DPH1: variants seen among roughly 807,000 people sequenced by gnomAD.
DPH1 encodes 2-(3-amino-3-carboxypropyl)histidine synthase subunit 1.
Under a neutral mutation model 55.3 loss-of-function variants are expected in DPH1, and 59 were observed. That is an observed-to-expected ratio of 1.07 (90% CI 0.87 to 1.33). DPH1 has a LOEUF of 1.33. DPH1 is among the 40% of genes most tolerant of loss of function. The pLI is 0.00. For synonymous variants in DPH1, 238 were observed against 235.5 expected, an observed-to-expected ratio of 1.01 and a Z score of -0.10; for missense variants, 628 against 584.8, an observed-to-expected ratio of 1.07 and a Z score of -0.76.
Position 2,040,361 on chromosome 17 carries a change from C to T in DPH1, c.893C>T (p.Pro298Leu). 1 of 1,613,964 alleles carries T rather than the reference C, an allele frequency of 6.2e-7. No individual in the cohort carries two copies. The highest frequency in any genetic ancestry group is 2.2e-5 in the East Asian group (1 of 44,888). The change falls in exon 8 of 13, where the codon CCT (proline) becomes CTT (leucine). Residue 298 changes from proline to leucine, a missense_variant. Transcript: ENST00000263083. ...ILGTLGRQGS[P>L]KILEHLESRL... ...GGCACTTTGGGCCGCCAGGGCAGTC[C>T]TAAGATCCTGGAGGTCAGTGGGCTC...
rs748456528 is a variant in DPH1, at chr17:2,041,899, G to C, written c.*18+24G>C. Reference sequence around the variant, plus strand: ...AGGTATCAGCCCCCGCTCTGGGTGCGCCCCGCCTTTTGCCGTTGTCATGGG... The same window carrying C: ...AGGTATCAGCCCCCGCTCTGGGTGCCCCCCGCCTTTTGCCGTTGTCATGGG... On this transcript the variant is annotated intron_variant, in intron 12 of 12. Transcript: ENST00000263083. 5 of 1,549,856 alleles carry C rather than the reference G, an allele frequency of 3.2e-6. No individual in the cohort carries two copies. The African/African-American group carries it at 4.1e-5, about 13-fold the overall frequency.
At chr17:2,032,268 T>A (rs1338073145) in intron 1 of DPH1, among the ~76,000 whole-genome samples, 1 of 151,924 alleles carries the variant, frequency 6.6e-6, no homozygotes, top group African/African-American at 2.4e-5. Flanking sequence ...GACTCTTAGG[T>A]TTTCCGCAGG....
rs2067524171 is a variant in DPH1 at position 2,041,542 on chromosome 17, G to A, written c.1148G>A (p.Gly383Asp). The change falls in exon 11 of 13, where the codon GGC becomes GAC. Residue 383 changes from glycine to aspartate, a missense_variant. By Grantham distance (94) the Gly-to-Asp change is moderately conservative (BLOSUM62 -1). Coordinates refer to ENST00000263083, the MANE Select transcript of DPH1 (RefSeq NM_001383.6). The part of the protein sequence containing the change: ...QQPYPMDFYA[G>D]SSLGPWTVNH... ...CCCTACCCGATGGACTTCTACGCTG[G>A]CAGCTCCTTGGGGCCCTGGACGGTG... 2 of 1,612,822 alleles carry A rather than the reference G, an allele frequency of 1.2e-6. No individual in the cohort carries two copies. Among genetic ancestry groups the A allele is most frequent in the African/African-American group, 2.7e-5 (2 of 74,920 alleles).
At chr17:2,030,565 G>A (rs2067317491) in intron 1 of DPH1, among the ~76,000 whole-genome samples, 1 of 152,192 alleles carries the variant, frequency 6.6e-6, no homozygotes, top group Non-Finnish European at 1.5e-5. Flanking sequence ...TGCGCCCTCA[G>A]GGAATGCTTT....
chr17:2,036,852 G>C lies in DPH1; in HGVS notation c.576G>C (p.Leu192=). 1 of 1,613,568 alleles carries C rather than the reference G, an allele frequency of 6.2e-7. No homozygotes were observed. The highest frequency in any genetic ancestry group is 8.5e-7 in the Non-Finnish European group (1 of 1,179,946). The change falls in exon 6 of 13, where the codon CTG becomes CTC. Residue 192 remains leucine (L), a synonymous_variant. Coordinates refer to ENST00000263083, the MANE Select transcript of DPH1 (RefSeq NM_001383.6). The surrounding 1 kb of genome is among the most constrained non-coding windows in gnomAD (Gnocchi z 4.8). The part of the protein sequence containing the change: ...VSTLQAAAQE[L]KAEYRVSVPQ... Reference sequence around the variant, plus strand: ...TCCTACAGGCAGCCGCCCAGGAGCTGAAAGCCGAGTATCGTGTGAGTGTCC... The same window carrying C: ...TCCTACAGGCAGCCGCCCAGGAGCTCAAAGCCGAGTATCGTGTGAGTGTCC...
intron 3 of DPH1, among the ~76,000 whole-genome samples, chr17:2,034,059 C>A (rs1470246441): frequency 6.6e-6 from 1 of 152,142 alleles, no homozygotes; most frequent in Non-Finnish European, 1.5e-5. Context: ...ATCCCCCCTC[C>A]CCTAAACATT....
Position 2,040,609 on chromosome 17 carries a change from A to T in DPH1, c.1007+4A>T. On this transcript the variant is annotated splice_donor_region_variant and intron_variant, in intron 9 of 12. Coordinates refer to ENST00000263083, the MANE Select transcript of DPH1 (RefSeq NM_001383.6). ...GCCTACTTCCTGAGGTGGATGTGTG[A>T]GTATCTGCCTGGCTATGACTGGCTA... 2 of 1,613,764 alleles carry T rather than the reference A, an allele frequency of 1.2e-6. No homozygotes were observed. Among genetic ancestry groups the T allele is most frequent in the Non-Finnish European group, 8.5e-7 (1 of 1,179,698 alleles).
At position 2,036,344 on chromosome 17, in the gene DPH1, C is replaced by T. The variant is rs536273836; in HGVS notation, c.401-185C>T. 1.2e-5 allele frequency: 13 copies of T among 1,044,762 alleles called. No individual in the cohort carries two copies. The Admixed American group carries it at 1.9e-4, about 15-fold the overall frequency. 64.7% of individuals were successfully genotyped at this position (1,044,762 alleles called of 1,614,324 possible). ...GTTGTAGAGCAGGCTGGGCCCCGGC[C>T]GGGTGACAGAGAAGTCTGATTGAGA... On this transcript the variant is annotated intron_variant, in intron 4 of 12. Transcript: ENST00000263083. This position sits in a 1 kb window ranked among gnomAD's most constrained non-coding sequence, Gnocchi z 4.8.
At chr17:2,040,096 G>A in intron 7 of DPH1, 122 bp from the exon 8 acceptor site, 3 of 1,397,572 alleles carry the variant, frequency 2.1e-6, no homozygotes, top group Non-Finnish European at 2.9e-6. Context: ...TCTTGCCTCT[G>A]TTCTTAATTA....
At chr17:2,034,020 C>G (rs2067368378) in intron 3 of DPH1, among the ~76,000 whole-genome samples, 178 bp downstream of exon 3, 1 of 152,160 alleles carries the variant, frequency 6.6e-6, no homozygotes, top group Non-Finnish European at 1.5e-5. Flanking sequence ...AATCTCCCAG[C>G]TTGCTGAGAG....
At position 2,042,689 on chromosome 17, in the gene DPH1, C is replaced by T. The variant is rs2067564983; in HGVS notation, c.*103C>T. The T allele has an allele frequency of 2.6e-6, 4 of 1,530,512 alleles. No homozygotes were observed. Among genetic ancestry groups the T allele is most frequent in the Non-Finnish European group, 3.5e-6 (4 of 1,142,580 alleles). The allele number at this position is 1,530,512 out of a possible 1,614,324, so 94.8% of individuals were successfully genotyped here. ...GTTTTCTCCGCATTGGAAGAGCCCG[C>T]CGTCTGCAGGGGCCTGGAGGAATCA... On this transcript the variant is annotated 3_prime_UTR_variant, in exon 13 of 13. Transcript: ENST00000263083.
intron 9 of DPH1, 165 bp downstream of exon 9, chr17:2,040,770 A>G: frequency 1.3e-6 from 1 of 741,528 alleles, no homozygotes; most frequent in Non-Finnish European, 2.2e-6. Context: ...CTGCTTTGGG[A>G]CTTTGGGGCT....
Position 2,041,861 on chromosome 17 carries a change from G to A in DPH1, c.*4G>A, listed in dbSNP as rs551634734. The A allele has an allele frequency of 4.4e-6, 7 of 1,588,662 alleles. No individual in the cohort carries two copies. The highest frequency in any genetic ancestry group is 6.0e-6 in the Non-Finnish European group (7 of 1,170,564). On this transcript the variant is annotated 3_prime_UTR_variant, in exon 12 of 13. Transcript: ENST00000263083. ...GGTGGCGCCGCTGGCTCCTTGACGC[G>A]CTCCCGGGCCTCAGGTATCAGCCCC...
intron 1 of DPH1, among the ~76,000 whole-genome samples, chr17:2,031,108 A>G (rs143438890): frequency 6.6e-6 from 1 of 152,286 alleles, no homozygotes; most frequent in African/African-American, 2.4e-5. Context: ...TCCTGAAGAG[A>G]TAACGGGGTT....
chr17:2,042,057 C>G (rs913645650), intron 12 of DPH1, 182 bp downstream of exon 12: 1 of 1,536,298 alleles, frequency 6.5e-7, no homozygotes, highest in Non-Finnish European at 8.7e-7. Flanking sequence ...AATGGCCGCG[C>G]AGCGACCCCT....
chr17:2,036,037 A>C lies in DPH1; in HGVS notation c.346A>C (p.Thr116Pro). ...CGGGGCTTGCTGTGTGGATGACTTCACAGCGAGGGCCCTGGGAGCTGACTT... is the reference window on the plus strand; with the variant it reads ...CGGGGCTTGCTGTGTGGATGACTTCCCAGCGAGGGCCCTGGGAGCTGACTT... The part of the protein sequence containing the change: ...TYGACCVDDF[T>P]ARALGADFLV... Residue 116 changes from threonine (T) to proline (P), a missense_variant, in exon 4 of 13, where the codon ACA (threonine) becomes CCA (proline). Thr to Pro is a conservative substitution (Grantham distance 38). Coordinates refer to ENST00000263083, the MANE Select transcript of DPH1 (RefSeq NM_001383.6). This position sits in a 1 kb window ranked among gnomAD's most constrained non-coding sequence, Gnocchi z 4.8. 1 of 1,613,980 alleles carries C rather than the reference A, an allele frequency of 6.2e-7. No individual in the cohort carries two copies. Among genetic ancestry groups the C allele is most frequent in the Non-Finnish European group, 8.5e-7 (1 of 1,179,916 alleles).
chr17:2,035,814 C>T (rs1268077480), intron 3 of DPH1, among the ~76,000 whole-genome samples, 156 bp from the exon 4 acceptor site: 1 of 152,098 alleles, frequency 6.6e-6, no homozygotes, highest in African/African-American at 2.4e-5. Flanking sequence ...TGTGCCCCTC[C>T]TAATCTTTGT....
chr17:2,036,260 G>C lies in DPH1; in HGVS notation c.400+169G>C. 2 of 1,322,202 alleles carry C rather than the reference G, an allele frequency of 1.5e-6. No individual in the cohort carries two copies. Among genetic ancestry groups the C allele is most frequent in the Admixed American group, 2.7e-5 (1 of 36,596 alleles). 81.9% of individuals were successfully genotyped at this position (1,322,202 alleles called of 1,614,324 possible). A position where few individuals can be genotyped will look rare whatever the true frequency, so the allele number is the denominator to read the frequency against. On this transcript the variant is annotated intron_variant, in intron 4 of 12. Transcript: ENST00000263083. The surrounding 1 kb of genome is among the most constrained non-coding windows in gnomAD (Gnocchi z 4.8). The stretch of plus-strand genomic sequence containing the variant: ...GCTCTGCAGGTAGATCTTTCCTTTG[G>C]ATTTGGTTGCCTTGGCAACGGTGCT...
Position 2,042,034 on chromosome 17 carries a change from C to G in DPH1, c.*18+159C>G, listed in dbSNP as rs761769398. ...GACCGCTTCCGGTGCTTCCGTCGCTCCTTGCCGGGCATAATGGCCGCGCAG... is the reference window on the plus strand; with the variant it reads ...GACCGCTTCCGGTGCTTCCGTCGCTGCTTGCCGGGCATAATGGCCGCGCAG... On this transcript the variant is annotated intron_variant, in intron 12 of 12. Coordinates refer to ENST00000263083, the MANE Select transcript of DPH1 (RefSeq NM_001383.6). The G allele has an allele frequency of 2.2e-5, 33 of 1,508,054 alleles. No individual in the cohort carries two copies. The Middle Eastern group carries it at 7.0e-4, about 32-fold the overall frequency. 93.4% of individuals were successfully genotyped at this position (1,508,054 alleles called of 1,614,324 possible).
Sources: allele counts gnomAD v4.1 joint callset (sites outside exome capture counted in the v4.1 genomes callset), GRCh38; gene constraint gnomAD v4.1.1; non-coding constraint Gnocchi (gnomAD v3.1); transcripts MANE v1.5; gene names NCBI Gene and HGNC (gene_info 2026-07-23, HGNC 2026-07-21).